The following BICC1 variants were observed in gnomAD, a reference collection of about 807,000 sequenced individuals.
BICC1 encodes BicC family RNA binding protein 1, also known as protein bicaudal C homolog 1.
In BICC1, 43 loss-of-function variants were observed where a neutral mutation model predicts 111.0. The ratio of observed to expected loss-of-function variants is 0.39; its 90% CI spans 0.30 to 0.50. The LOEUF (loss-of-function observed/expected upper bound fraction) is 0.50. BICC1 is among the 20% of genes least tolerant of loss of function. The probability of loss-of-function intolerance (pLI) is 0.88; values close to 1 mark genes in which losing one functional copy is unlikely to be tolerated. For missense variants in BICC1, 1,091 were observed against 1,203.2 expected, an observed-to-expected ratio of 0.91 and a Z score of 1.38; for synonymous variants, 467 against 434.4, an observed-to-expected ratio of 1.07 and a Z score of -0.93.
chr10:58,582,865 CAG>C (rs1844320386), intron 1 of BICC1, among the ~76,000 whole-genome samples: 1 of 152,176 alleles, frequency 6.6e-6, no homozygotes, highest in Admixed American at 6.5e-5. Context: ...TGAGCCTACT[CAG>C]AGAACGCAGG....
chr10:58,605,162 G>A (rs1845168155), intron 1 of BICC1, among the ~76,000 whole-genome samples: 1 of 152,160 alleles, frequency 6.6e-6, no homozygotes, highest in African/African-American at 2.4e-5. Context: ...TCTCTTTGTG[G>A]TGTGAGTACT....
chr10:58,734,228 A>T (rs978390870), intron 3 of BICC1, among the ~76,000 whole-genome samples: 7 of 152,322 alleles, frequency 4.6e-5, no homozygotes, highest in African/African-American at 1.7e-4. Flanking sequence ...ATTTTAGGTC[A>T]CTGTTTCTAC....
intron 1 of BICC1, among the ~76,000 whole-genome samples, chr10:58,605,529 TG>T (rs1477624971): frequency 2.0e-5 from 3 of 152,226 alleles, no homozygotes; most frequent in African/African-American, 7.2e-5. Context: ...TTGGTGTCTA[TG>T]GGGGATTTGT....
chr10:58,645,497 A>G (rs1179248706), intron 2 of BICC1, among the ~76,000 whole-genome samples: 1 of 151,708 alleles, frequency 6.6e-6, no homozygotes. Context: ...TTTTTCCAGG[A>G]TGAACGTGCT....
intron 3 of BICC1, chr10:58,716,278 A>G (rs1840737761): frequency 6.7e-7 from 1 of 1,496,130 alleles, no homozygotes; most frequent in South Asian, 1.2e-5. Context: ...TCAAGTCCTG[A>G]CTCACCATAA....
intron 3 of BICC1, among the ~76,000 whole-genome samples, chr10:58,723,541 GAC>G (rs1841004474): frequency 6.6e-6 from 1 of 152,190 alleles, no homozygotes; most frequent in Admixed American, 6.5e-5. Flanking sequence ...TCTTTGGTGA[GAC>G]GGGTATGGCA....
At chr10:58,536,636 A>G (rs1842833489) in intron 1 of BICC1, among the ~76,000 whole-genome samples, 1 of 151,816 alleles carries the variant, frequency 6.6e-6, no homozygotes, top group Non-Finnish European at 1.5e-5. Flanking sequence ...TTGACAAGCT[A>G]ATGTCATGCC....
At chr10:58,554,085 C>A (rs1387495049) in intron 1 of BICC1, among the ~76,000 whole-genome samples, 1 of 152,036 alleles carries the variant, frequency 6.6e-6, no homozygotes, top group Non-Finnish European at 1.5e-5. Flanking sequence ...AAATGAATTA[C>A]ATTTTCTCAA....
At chr10:58,756,374 G>A (rs1164126251) in intron 3 of BICC1, among the ~76,000 whole-genome samples, 1 of 152,138 alleles carries the variant, frequency 6.6e-6, no homozygotes, top group Non-Finnish European at 1.5e-5. Flanking sequence ...GGGGTGGAGA[G>A]GGGCATGGTA....
At chr10:58,525,657 A>G (rs1269266165) in intron 1 of BICC1, among the ~76,000 whole-genome samples, 2 of 147,812 alleles carry the variant, frequency 1.4e-5, no homozygotes, top group Admixed American at 7.0e-5. Context: ...GCACATGTAT[A>G]CATATGTAAC....
intron 2 of BICC1, among the ~76,000 whole-genome samples, chr10:58,672,632 A>G (rs948560837): frequency 6.6e-6 from 1 of 152,128 alleles, no homozygotes; most frequent in Non-Finnish European, 1.5e-5. Flanking sequence ...GTTTCCCTGT[A>G]TGTACTATAA....
At chr10:58,789,516 T>A in intron 7 of BICC1, 60 bp downstream of exon 7, 1 of 1,523,630 alleles carries the variant, frequency 6.6e-7, no homozygotes, top group South Asian at 1.3e-5. Context: ...GTTTCATTTT[T>A]AAAGAATATT....
At chr10:58,724,063 G>A (rs1272826293) in intron 3 of BICC1, among the ~76,000 whole-genome samples, 1 of 152,174 alleles carries the variant, frequency 6.6e-6, no homozygotes, top group African/African-American at 2.4e-5. Flanking sequence ...CTAATGTTCA[G>A]TTCAAAGTAA....
chr10:58,524,037 A>G (rs1435687972), intron 1 of BICC1, among the ~76,000 whole-genome samples: 1 of 152,086 alleles, frequency 6.6e-6, no homozygotes, highest in Non-Finnish European at 1.5e-5. Flanking sequence ...ACCACTGCTC[A>G]ATGAAATAAA....
intron 1 of BICC1, among the ~76,000 whole-genome samples, chr10:58,594,105 C>T (rs1157457176): frequency 6.6e-6 from 1 of 151,490 alleles, no homozygotes; most frequent in African/African-American, 2.4e-5. Context: ...CCGAATCCAT[C>T]AAGCAGAAGA....
intron 1 of BICC1, among the ~76,000 whole-genome samples, chr10:58,578,645 C>T (rs1844179584): frequency 6.6e-6 from 1 of 152,162 alleles, no homozygotes; most frequent in Non-Finnish European, 1.5e-5. Context: ...ATCACTTCTT[C>T]CCAAATGTAT....
At chr10:58,685,557 T>A (rs1385868007) in intron 2 of BICC1, among the ~76,000 whole-genome samples, 1 of 152,242 alleles carries the variant, frequency 6.6e-6, no homozygotes, top group Admixed American at 6.5e-5. Context: ...GCTCCTGTAT[T>A]GGGTGCATGT....
chr10:58,606,713 A>G (rs1000501546), intron 1 of BICC1, among the ~76,000 whole-genome samples: 4 of 152,000 alleles, frequency 2.6e-5, no homozygotes, highest in African/African-American at 4.8e-5. Flanking sequence ...AGATATTTTT[A>G]TTTCAAATGT....
intron 1 of BICC1, among the ~76,000 whole-genome samples, chr10:58,549,805 C>T (rs1843246546): frequency 6.6e-6 from 1 of 151,738 alleles, no homozygotes; most frequent in Non-Finnish European, 1.5e-5. Context: ...CCTGTCTCAG[C>T]CTCCTGAGTA....
Sources: allele counts gnomAD v4.1 joint callset (sites outside exome capture counted in the v4.1 genomes callset), GRCh38; gene constraint gnomAD v4.1.1; transcripts MANE v1.5; gene names NCBI Gene and HGNC (gene_info 2026-07-23, HGNC 2026-07-21).